Variants in LRRC49 observed in about 807,000 individuals in gnomAD.
LRRC49 encodes the protein leucine-rich repeat-containing protein 49.
LRRC49 carries 50 observed loss-of-function variants against 83.3 expected under a neutral mutation model. That is an observed-to-expected ratio of 0.60 (90% CI 0.48 to 0.76). LRRC49 has a LOEUF of 0.76. Ranked by LOEUF, LRRC49 falls within the 30% of genes least tolerant of loss-of-function variation. The pLI is 0.00. For synonymous variants in LRRC49, 286 were observed against 283.3 expected, an observed-to-expected ratio of 1.01 and a Z score of -0.10; for missense variants, 704 against 809.1, an observed-to-expected ratio of 0.87 and a Z score of 1.58.
upstream of LRRC49, among the ~76,000 whole-genome samples, chr15:70,890,084 G>A (rs190178430): frequency 6.6e-6 from 1 of 152,270 alleles, no homozygotes; most frequent in East Asian, 1.9e-4. Context: ...ATGTATGCTG[G>A]ATCTGTTTCC....
intron 15 of LRRC49, among the ~76,000 whole-genome samples, chr15:71,038,001 T>G (rs2039577814): frequency 6.6e-6 from 1 of 152,100 alleles, no homozygotes; most frequent in Non-Finnish European, 1.5e-5. Context: ...AAGAAACAAC[T>G]TATCTACATA....
chr15:70,978,042 T>G (rs1023743966), intron 9 of LRRC49, among the ~76,000 whole-genome samples: 7 of 152,104 alleles, frequency 4.6e-5, no homozygotes, highest in African/African-American at 1.7e-4. Context: ...TTAAATATAA[T>G]TATTTAATCT....
At chr15:71,042,074 G>C (rs923366269) in intron 15 of LRRC49, among the ~76,000 whole-genome samples, 2 of 152,174 alleles carry the variant, frequency 1.3e-5, no homozygotes, top group Non-Finnish European at 2.9e-5. Flanking sequence ...TTATGATCTT[G>C]ATTGGGTTGG....
At chr15:70,999,158 C>A (rs938169568) in intron 11 of LRRC49, among the ~76,000 whole-genome samples, 1 of 152,078 alleles carries the variant, frequency 6.6e-6, no homozygotes, top group African/African-American at 2.4e-5. Context: ...AGTCCAATGC[C>A]TGGGCTTCCT....
intron 1 of LRRC49, among the ~76,000 whole-genome samples, chr15:70,864,236 C>A (rs948714586): frequency 6.6e-6 from 1 of 152,138 alleles, no homozygotes; most frequent in Admixed American, 6.5e-5. Flanking sequence ...AGAGCTCCCC[C>A]CAGAATGGGT....
At chr15:70,951,124 G>A (rs1465407280) in intron 8 of LRRC49, among the ~76,000 whole-genome samples, 4 of 147,246 alleles carry the variant, frequency 2.7e-5, no homozygotes, top group African/African-American at 9.7e-5. Flanking sequence ...CCATGTTTCT[G>A]TTTTCATACC....
intron 1 of LRRC49, among the ~76,000 whole-genome samples, chr15:70,871,204 C>T (rs796497825): frequency 6.6e-5 from 10 of 152,020 alleles, no homozygotes; most frequent in African/African-American, 2.2e-4. Context: ...GCACATCTTG[C>T]ACCGCCCTTA....
intron 2 of LRRC49, among the ~76,000 whole-genome samples, chr15:70,874,562 A>C (rs2033114032): frequency 6.6e-6 from 1 of 152,194 alleles, no homozygotes; most frequent in East Asian, 1.9e-4. Context: ...TTTAGATGAC[A>C]AGCTACAGAA....
chr15:70,968,040 C>G (rs2036852866), intron 9 of LRRC49, among the ~76,000 whole-genome samples: 1 of 151,408 alleles, frequency 6.6e-6, no homozygotes, highest in Non-Finnish European at 1.5e-5. Context: ...GCAGAATGTG[C>G]AGGTTTGTTA....
At chr15:70,994,319 A>G (rs1033136268) in intron 11 of LRRC49, among the ~76,000 whole-genome samples, 1 of 152,032 alleles carries the variant, frequency 6.6e-6, no homozygotes, top group Non-Finnish European at 1.5e-5. Flanking sequence ...TGGACTATCC[A>G]TTTCACTTAT....
chr15:70,858,858 C>T, intron 1 of LRRC49: 1 of 768,156 alleles, frequency 1.3e-6, no homozygotes. Context: ...TCTGGGGTGG[C>T]CTGGGTGGAG....
At chr15:71,044,015 A>C (rs1481030694) in intron 15 of LRRC49, among the ~76,000 whole-genome samples, 2 of 152,162 alleles carry the variant, frequency 1.3e-5, no homozygotes, top group Admixed American at 6.5e-5. Context: ...TCTACTTGTA[A>C]ATGCATTGCT....
chr15:70,883,341 G>A lies in LRRC49; in HGVS notation c.18+10118G>A, dbSNP rs568924148. ...CAAGTAGCTGGGATTACAGGCAGGC[G>A]CCACCACGCCCAGCTAATTTTTTTG... On this transcript the variant is annotated intron_variant, in intron 2 of 16. Coordinates refer to the LRRC49 transcript ENST00000544974. Among the ~76,000 whole-genome samples, 8 of 151,982 alleles carry A rather than the reference G, an allele frequency of 5.3e-5. 1 individual carries two copies. The South Asian group carries it at 1.5e-3, about 28-fold the overall frequency.
chr15:70,948,915 C>A (rs1266378322), intron 8 of LRRC49, among the ~76,000 whole-genome samples: 1 of 152,124 alleles, frequency 6.6e-6, no homozygotes, highest in African/African-American at 2.4e-5. Flanking sequence ...TGATTCTTTG[C>A]AGGCCAGTTG....
intron 8 of LRRC49, among the ~76,000 whole-genome samples, chr15:70,962,899 C>T (rs2036655074): frequency 6.6e-6 from 1 of 151,900 alleles, no homozygotes; most frequent in Admixed American, 6.6e-5. Flanking sequence ...TTGGAGAAAC[C>T]TGAAGAACAT....
intron 13 of LRRC49, among the ~76,000 whole-genome samples, chr15:71,012,581 C>T (rs2038687989): frequency 6.6e-6 from 1 of 152,076 alleles, no homozygotes; most frequent in Admixed American, 6.6e-5. Context: ...TGACTCATCA[C>T]CTCCAATCAG....
chr15:71,000,043 G>A (rs2038206019), intron 11 of LRRC49, among the ~76,000 whole-genome samples: 1 of 152,220 alleles, frequency 6.6e-6, no homozygotes, highest in Non-Finnish European at 1.5e-5. Flanking sequence ...AGGAATGTGG[G>A]CTGTTCAACT....
chr15:70,862,829 C>G (rs2032825496), intron 1 of LRRC49, among the ~76,000 whole-genome samples: 1 of 152,126 alleles, frequency 6.6e-6, no homozygotes. Context: ...ACAATTCAAC[C>G]CCAGCATCTT....
rs185958469 is a variant in LRRC49, at chr15:70,858,765, G to A, written c.-299+5296G>A. The A allele has an allele frequency of 1.0e-4, 120 of 1,148,922 alleles. 1 individual carries two copies. In the East Asian group the frequency reaches 2.2e-3, roughly 21 times the overall value. 71.2% of individuals were successfully genotyped at this position (1,148,922 alleles called of 1,614,324 possible). On this transcript the variant is annotated intron_variant, in intron 1 of 16. Transcript: ENST00000544974. ...TACAAGATGTCCACCTCTGGCCCCC[G>A]GGCCTTCAGCAGCTGCTCCTACACA... is the stretch of plus-strand genomic sequence containing the variant.
Sources: gnomAD v4.1 joint callset for allele counts (sites outside exome capture counted in the v4.1 genomes callset) on GRCh38, gnomAD v4.1.1 for gene constraint, MANE v1.5 for transcripts, NCBI Gene and HGNC (gene_info 2026-07-23, HGNC 2026-07-21) for gene names.